The following SELENBP1 variants were observed in gnomAD, a reference collection of about 807,000 sequenced individuals.
SELENBP1 encodes selenium binding protein 1, also known as methanethiol oxidase.
SELENBP1 carries 71 observed loss-of-function variants against 61.0 expected under a neutral mutation model. The observed-to-expected ratio is 1.16, with a 90% CI of 0.96 to 1.42. The LOEUF (loss-of-function observed/expected upper bound fraction) is 1.42, where lower values mean the gene tolerates loss of function less well. Among genes scored for constraint, SELENBP1 ranks in the 40% most tolerant of loss-of-function variants. The pLI is 0.00. For missense variants in SELENBP1, 561 were observed against 605.0 expected (o/e 0.93, Z 0.76); for synonymous variants, 270 against 238.9 (o/e 1.13, Z -1.20).
chr1:151,368,686 G>A (rs1651978970), intron 4 of SELENBP1, among the ~76,000 whole-genome samples: 1 of 152,226 alleles, frequency 6.6e-6, no homozygotes, highest in African/African-American at 2.4e-5. Flanking sequence ...ACTAAACAAA[G>A]TGTTGGGAGA....
At position 151,364,831 on chromosome 1, in the gene SELENBP1, G is replaced by A. The variant is rs879249258; in HGVS notation, c.1256+95C>T. On this transcript the variant is annotated intron_variant, in intron 11 of 11. Transcript: ENST00000368868. ...GTCTCAATGGGCCATCTGTGTGGTG[G>A]GGTACAGGGGTCTCCTTGAGGAGTC... 40 of 1,475,830 alleles carry A rather than the reference G, an allele frequency of 2.7e-5. 1 individual carries two copies. The South Asian group carries it at 4.4e-4, about 16-fold the overall frequency. 91.4% of individuals were successfully genotyped at this position (1,475,830 alleles called of 1,614,324 possible). A position where few individuals can be genotyped will look rare whatever the true frequency, so the allele number is the denominator to read the frequency against.
chr1:151,366,676 G>A, intron 6 of SELENBP1, 46 bp downstream of exon 6: 1 of 1,595,036 alleles, frequency 6.3e-7, no homozygotes, highest in Non-Finnish European at 8.6e-7. Flanking sequence ...AGAAAGCAAG[G>A]GGATGTAGGC....
At chr1:151,366,509 G>A in intron 6 of SELENBP1, 56 bp from the exon 7 acceptor site, 1 of 1,572,570 alleles carries the variant, frequency 6.4e-7, no homozygotes, top group African/African-American at 1.3e-5. Flanking sequence ...GGAAGGCATG[G>A]GCAAAGACTG....
Position 151,364,323 on chromosome 1 carries a change from T to C in SELENBP1, c.*220A>G. On this transcript the variant is annotated 3_prime_UTR_variant, in exon 12 of 12. Coordinates refer to ENST00000368868, the MANE Select transcript of SELENBP1 (RefSeq NM_003944.4). The stretch of plus-strand genomic sequence containing the variant: ...GCCATCTGAAGGACAGGGTTACGAG[T>C]TTATTTCTTGGTGCCTCCAAGAGCT... 1.8e-6 allele frequency: 1 copy of C among 569,978 alleles called. No homozygotes were observed. Among genetic ancestry groups the C allele is most frequent in the Non-Finnish European group, 3.1e-6 (1 of 324,724 alleles). The allele number at this position is 569,978 out of a possible 1,614,324, so 35.3% of individuals were successfully genotyped here.
chr1:151,366,833 G>A lies in SELENBP1; in HGVS notation c.553C>T (p.Pro185Ser), dbSNP rs1390024353. Residue 185 changes from proline (P) to serine (S), a missense_variant, in exon 6 of 12, where the codon CCG (proline) becomes TCG (serine). Physicochemically the swap from Pro to Ser is moderately conservative, Grantham distance 74. Transcript: ENST00000368868. ...TGGTACCAGAAGTCATAGCCCAACG[G>A]TGCAGCACCCCCAGGTCTCTCCCAT... ...GTWERPGGAA[P>S]LGYDFWYQPR... 1.2e-6 allele frequency: 2 copies of A among 1,614,130 alleles called. No homozygotes were observed. Among genetic ancestry groups the A allele is most frequent in the Admixed American group, 1.7e-5 (1 of 60,018 alleles).
At chr1:151,370,519 C>G (rs919660217) in intron 1 of SELENBP1, among the ~76,000 whole-genome samples, 2 of 152,136 alleles carry the variant, frequency 1.3e-5, no homozygotes, top group African/African-American at 4.8e-5. Context: ...GGTGTTTGGC[C>G]CAACTCTGGA....
At chr1:151,368,353 C>G in intron 4 of SELENBP1, 34 bp from the exon 5 acceptor site, 1 of 1,610,436 alleles carries the variant, frequency 6.2e-7, no homozygotes. Context: ...CAGAATCATA[C>G]AGGACTGGGA....
intron 1 of SELENBP1, 38 bp downstream of exon 1, chr1:151,372,592 GGGCAGACA>G: frequency 6.2e-7 from 1 of 1,613,614 alleles, no homozygotes; most frequent in Non-Finnish European, 8.5e-7. Context: ...TCCAAATTAG[GGGCAGACA>G]GAGCAGGCAA....
Position 151,366,327 on chromosome 1 carries a change from C to A in SELENBP1, c.791G>T (p.Gly264Val), listed in dbSNP as rs1228162649. 1.2e-6 allele frequency: 2 copies of A among 1,614,168 alleles called. No individual in the cohort carries two copies. The highest frequency in any genetic ancestry group is 2.2e-5 in the South Asian group (2 of 91,086). Residue 264 changes from glycine to valine, a missense_variant, in exon 7 of 12, where the codon GGC becomes GTC. Physicochemically the swap from Gly to Val is moderately radical, Grantham distance 109. Coordinates refer to ENST00000368868, the MANE Select transcript of SELENBP1 (RefSeq NM_003944.4). ...GGAGCTGAGTGCGCAGCCCACAAAG[C>A]CTTGGGCAGCGTCTGGGTTGTGCAG... is the stretch of plus-strand genomic sequence containing the variant. ...RFLHNPDAAQ[G>V]FVGCALSSTI... is the part of the protein sequence containing the mutation.
chr1:151,368,101 T>C (rs574009113), intron 5 of SELENBP1, 98 bp downstream of exon 5: 1 of 1,511,622 alleles, frequency 6.6e-7, no homozygotes, highest in Admixed American at 1.8e-5. Context: ...GGGAAGTCAT[T>C]CCAACCCTCC....
Position 151,364,937 on chromosome 1 carries a change from AG to A in SELENBP1, c.1244del (p.Pro415LeufsTer9). On this transcript the variant is annotated frameshift_variant, in exon 11 of 12. Transcript: ENST00000368868. LOFTEE classifies it high-confidence loss of function. ...LYSAWDKQFY[P>X]DLIREGSVML... Reference sequence around the variant, plus strand: ...TGTCTGCTTCTCACCTGATGAGATCAGGGTAAAACTGCTTGTCCCAGGCACT... The same window carrying A: ...TGTCTGCTTCTCACCTGATGAGATCAGGTAAAACTGCTTGTCCCAGGCACT... The A allele has an allele frequency of 6.2e-7, 1 of 1,613,774 alleles. No homozygotes were observed. Among genetic ancestry groups the A allele is most frequent in the Non-Finnish European group, 8.5e-7 (1 of 1,179,748 alleles).
intron 4 of SELENBP1, among the ~76,000 whole-genome samples, chr1:151,368,802 G>T (rs968495890): frequency 6.6e-6 from 1 of 152,202 alleles, no homozygotes; most frequent in Non-Finnish European, 1.5e-5. Context: ...CTTCTCCCAT[G>T]CCCTGGTCAC....
chr1:151,372,652 G>GGTA lies in SELENBP1; in HGVS notation c.-14_-12dup. ...CCTCTCCTTACCCATGCTGCCGACTGGTACACTTTGATCCCGGCGGGTTTG... is the reference window on the plus strand; with the variant it reads ...CCTCTCCTTACCCATGCTGCCGACTGGTAGTACACTTTGATCCCGGCGGGTTTG... On this transcript the variant is annotated 5_prime_UTR_variant, in exon 1 of 12. Coordinates refer to ENST00000368868, the MANE Select transcript of SELENBP1 (RefSeq NM_003944.4). 1.2e-6 allele frequency: 2 copies of GGTA among 1,614,144 alleles called. No homozygotes were observed. The highest frequency in any genetic ancestry group is 1.7e-6 in the Non-Finnish European group (2 of 1,180,018).
At chr1:151,367,089 T>A (rs912572193) in intron 5 of SELENBP1, 185 bp from the exon 6 acceptor site, 2 of 1,393,812 alleles carry the variant, frequency 1.4e-6, no homozygotes, top group African/African-American at 1.4e-5. Flanking sequence ...ATGCCAGTAA[T>A]CCCAGCCCTT....
In SELENBP1 at chr1:151,370,970, C is replaced by T. The variant is rs138818420; in HGVS notation, c.5-1201G>A. On this transcript the variant is annotated intron_variant, in intron 1 of 11. Transcript: ENST00000368868. ...ACCTGGTTTCAAGTCCCAGTTTTGA[C>T]GCCCCGTTTCTCCATTTTCTCCTCT... 3.1e-4 allele frequency among the ~76,000 whole-genome samples: 47 copies of T among 152,294 alleles called. 1 individual carries two copies. The highest frequency in any genetic ancestry group is 6.8e-3 in the Middle Eastern group (2 of 294).
chr1:151,366,649 G>A (rs1329121247), intron 6 of SELENBP1, 73 bp downstream of exon 6: 2 of 1,544,210 alleles, frequency 1.3e-6, no homozygotes, highest in East Asian at 4.5e-5. Context: ...GAAGTGTGGG[G>A]GTGGGAGATT....
chr1:151,370,723 G>T (rs926505544), intron 1 of SELENBP1, among the ~76,000 whole-genome samples: 5 of 152,336 alleles, frequency 3.3e-5, no homozygotes, highest in South Asian at 2.1e-4. Flanking sequence ...ATACCCAGAG[G>T]GGGTGGCAGG....
At chr1:151,368,862 G>T in intron 4 of SELENBP1, 142 bp downstream of exon 4, 2 of 838,992 alleles carry the variant, frequency 2.4e-6, no homozygotes, top group Non-Finnish European at 1.9e-6. Flanking sequence ...CTGCTCTGAG[G>T]TCCAACCTCC....
rs76846932 is a variant in SELENBP1 at position 151,366,864 on chromosome 1, C to A, written c.522G>T (p.Lys174Asn). The change falls in exon 6 of 12, where the codon AAG (lysine) becomes AAT (asparagine). Residue 174 changes from lysine to asparagine, a missense_variant. Coordinates refer to ENST00000368868, the MANE Select transcript of SELENBP1 (RefSeq NM_003944.4). ...VLLDGETFEVKGTWERPGGAA... is the reference protein window; with the variant it reads ...VLLDGETFEVNGTWERPGGAA... Reference sequence around the variant, plus strand: ...CACCCCCAGGTCTCTCCCATGTCCCCTTCACCTCGAACGTCTCCCCATCCA... The same window carrying A: ...CACCCCCAGGTCTCTCCCATGTCCCATTCACCTCGAACGTCTCCCCATCCA... 1.2e-6 allele frequency: 2 copies of A among 1,614,132 alleles called. No homozygotes were observed. The highest frequency in any genetic ancestry group is 1.7e-6 in the Non-Finnish European group (2 of 1,180,014).
Sources: allele counts gnomAD v4.1 joint callset (sites outside exome capture counted in the v4.1 genomes callset), GRCh38; gene constraint gnomAD v4.1.1; transcripts MANE v1.5; gene names NCBI Gene and HGNC (gene_info 2026-07-23, HGNC 2026-07-21).